FGF12: variants seen among roughly 807,000 people sequenced by gnomAD.
FGF12 encodes fibroblast growth factor 12.
A neutral mutation model predicts 23.6 loss-of-function variants in FGF12; 14 were observed. The ratio of observed to expected loss-of-function variants is 0.59; its 90% confidence interval spans 0.39 to 0.93. The LOEUF (loss-of-function observed/expected upper bound fraction) is 0.93, where lower values mean the gene tolerates loss of function less well. Among genes scored for constraint, FGF12 ranks in the 40% least tolerant of loss-of-function variants. FGF12 has a pLI of 0.00. For missense variants in FGF12, 175 were observed against 217.8 expected (o/e 0.80, Z 1.24); for synonymous variants, 62 against 77.3 (o/e 0.80, Z 1.04).
rs1289710142 is a variant in FGF12 at position 192,335,470 on chromosome 3, G to A, written c.125-6C>T. 3 of 1,592,704 alleles carry A rather than the reference G, an allele frequency of 1.9e-6. No homozygotes were observed. Among genetic ancestry groups the A allele is most frequent in the African/African-American group, 1.3e-5 (1 of 74,462 alleles). ...GGGAATTAGATTGAAGAGAGCTGGG[G>A]GGAGAAAAAGAAGGGCGGAAAGGAT... On this transcript the variant is annotated splice_polypyrimidine_tract_variant and splice_region_variant and intron_variant, in intron 3 of 5. Coordinates refer to ENST00000445105, the MANE Select transcript of FGF12 (RefSeq NM_004113.6).
Position 192,143,433 on chromosome 3 carries a change from C to A in FGF12, c.*576G>T, listed in dbSNP as rs1713519696. On this transcript the variant is annotated 3_prime_UTR_variant, in exon 6 of 6. Coordinates refer to ENST00000445105, the MANE Select transcript of FGF12 (RefSeq NM_004113.6). ...CACTTTTCTTGATGATAAATGGTTC[C>A]TGGCTATATATTTTATAGGTATTAA... 6.6e-6 allele frequency: 1 copy of A among 151,850 alleles called. No individual in the cohort carries two copies. Among genetic ancestry groups the A allele is most frequent in the Non-Finnish European group, 1.5e-5 (1 of 67,950 alleles). The allele number at this position is 151,850 out of a possible 1,614,324, so 9.4% of individuals were successfully genotyped here.
intron 2 of FGF12, among the ~76,000 whole-genome samples, chr3:192,690,586 CAA>C (rs35837229): frequency 0.047 from 4,326 of 92,056 alleles, 158 homozygotes; most frequent in African/African-American, 0.14. Context: ...CACAACACTA[CAA>C]AAAAAAAAAA....
chr3:192,181,926 A>G (rs755104445), intron 4 of FGF12, among the ~76,000 whole-genome samples: 124 of 152,316 alleles, frequency 8.1e-4, no homozygotes, highest in Non-Finnish European at 1.6e-3. Context: ...TAAGAACTTT[A>G]AAACAGCCAC....
At chr3:192,278,205 A>G (rs1202843626) in intron 4 of FGF12, among the ~76,000 whole-genome samples, 4 of 152,210 alleles carry the variant, frequency 2.6e-5, no homozygotes, top group Admixed American at 2.6e-4. Context: ...AACTTTGACT[A>G]AGGCATCAGG....
intron 4 of FGF12, among the ~76,000 whole-genome samples, chr3:192,309,476 C>G (rs757413865): frequency 6.6e-6 from 1 of 152,078 alleles, no homozygotes; most frequent in Non-Finnish European, 1.5e-5. Flanking sequence ...GAAGATAAGT[C>G]GGACACAGCC....
chr3:192,384,823 C>T (rs937117068), intron 2 of FGF12, among the ~76,000 whole-genome samples: 3 of 152,118 alleles, frequency 2.0e-5, no homozygotes, highest in Non-Finnish European at 4.4e-5. Flanking sequence ...ACCATCTGCA[C>T]AGATACACTG....
chr3:192,591,362 T>C (rs1713615448), intron 2 of FGF12, among the ~76,000 whole-genome samples: 1 of 151,664 alleles, frequency 6.6e-6, no homozygotes, highest in African/African-American at 2.4e-5. Context: ...CTGGACATGC[T>C]CGGCTCCCAG....
intron 2 of FGF12, among the ~76,000 whole-genome samples, chr3:192,485,324 A>C (rs1723603588): frequency 6.6e-6 from 1 of 152,220 alleles, no homozygotes; most frequent in Non-Finnish European, 1.5e-5. Flanking sequence ...AATCACTGTG[A>C]ATTGAAGAAA....
At chr3:192,221,488 C>G (rs947282401) in intron 4 of FGF12, among the ~76,000 whole-genome samples, 1 of 152,124 alleles carries the variant, frequency 6.6e-6, no homozygotes, top group African/African-American at 2.4e-5. Context: ...TGATCAGTAT[C>G]TTTATACTAA....
intron 2 of FGF12, among the ~76,000 whole-genome samples, chr3:192,588,218 C>G (rs997887806): frequency 6.0e-5 from 9 of 150,766 alleles, no homozygotes; most frequent in African/African-American, 1.7e-4. Flanking sequence ...GGTGTGGTGG[C>G]GGGCTCCTGT....
At chr3:192,249,894 CA>C (rs1392998545) in intron 4 of FGF12, among the ~76,000 whole-genome samples, 5 of 151,904 alleles carry the variant, frequency 3.3e-5, no homozygotes, top group African/African-American at 1.2e-4. Context: ...CAGTTTGCAT[CA>C]AAAAAACGTT....
intron 2 of FGF12, among the ~76,000 whole-genome samples, chr3:192,458,946 A>G (rs1281902228): frequency 6.6e-6 from 1 of 152,142 alleles, no homozygotes; most frequent in Non-Finnish European, 1.5e-5. Context: ...GCAGTAGTGA[A>G]TAAGTCTAAC....
At chr3:192,176,558 T>C (rs1434044817) in intron 4 of FGF12, among the ~76,000 whole-genome samples, 1 of 152,238 alleles carries the variant, frequency 6.6e-6, no homozygotes, top group Non-Finnish European at 1.5e-5. Flanking sequence ...ACAGTACTGA[T>C]TCAGTCCCTT....
In FGF12 at chr3:192,514,255, T is replaced by C. The variant is rs1373556760; in HGVS notation, c.14-153717A>G. ...GAAAATATACCTGCCTTGCCAGCCATCTGTTTAAAAGTCCCCTCTCCTGTG... is the reference window on the plus strand; with the variant it reads ...GAAAATATACCTGCCTTGCCAGCCACCTGTTTAAAAGTCCCCTCTCCTGTG... On this transcript the variant is annotated intron_variant, in intron 2 of 5. Coordinates refer to ENST00000445105, the MANE Select transcript of FGF12 (RefSeq NM_004113.6). This position sits in a 1 kb window ranked among gnomAD's most constrained non-coding sequence, Gnocchi z 4.9. Among the ~76,000 whole-genome samples, 1 of 152,236 alleles carries C rather than the reference T, an allele frequency of 6.6e-6. No individual in the cohort carries two copies. Among genetic ancestry groups the C allele is most frequent in the Non-Finnish European group, 1.5e-5 (1 of 68,042 alleles).
At chr3:192,271,648 T>C (rs73064565) in intron 4 of FGF12, among the ~76,000 whole-genome samples, 1,616 of 152,270 alleles carry the variant, frequency 0.011, 26 homozygotes, top group African/African-American at 0.037. Flanking sequence ...AATTTTTCCT[T>C]TAGATATCAA....
intron 2 of FGF12, among the ~76,000 whole-genome samples, chr3:192,564,603 A>G (rs986245202): frequency 1.3e-5 from 2 of 152,182 alleles, no homozygotes; most frequent in African/African-American, 4.8e-5. Context: ...TGGGGTCTCC[A>G]CACCATCTGC....
chr3:192,250,547 G>T (rs550841440), intron 4 of FGF12, among the ~76,000 whole-genome samples: 1 of 152,140 alleles, frequency 6.6e-6, no homozygotes, highest in South Asian at 2.1e-4. Context: ...TTTCAAGTTT[G>T]TTTCAGCCAT....
intron 3 of FGF12, among the ~76,000 whole-genome samples, chr3:192,341,222 C>CA (rs1373199044): frequency 6.6e-6 from 1 of 152,106 alleles, no homozygotes; most frequent in Non-Finnish European, 1.5e-5. Flanking sequence ...TACTCAACAT[C>CA]ACTAATCATC....
chr3:192,699,189 C>T (rs1718219525), intron 2 of FGF12, among the ~76,000 whole-genome samples: 1 of 152,116 alleles, frequency 6.6e-6, no homozygotes, highest in Non-Finnish European at 1.5e-5. Flanking sequence ...TGTCTTTTTC[C>T]TGGCTTCAAG....
Sources: gnomAD v4.1 joint callset for allele counts (sites outside exome capture counted in the v4.1 genomes callset) on GRCh38, gnomAD v4.1.1 for gene constraint, Gnocchi (gnomAD v3.1) non-coding constraint, MANE v1.5 for transcripts, NCBI Gene and HGNC (gene_info 2026-07-23, HGNC 2026-07-21) for gene names.